Variants in CEP126 observed in about 807,000 individuals in gnomAD.
The protein encoded by CEP126 is centrosomal protein of 126 kDa.
CEP126 carries 74 observed loss-of-function variants against 107.8 expected under a neutral mutation model. The ratio of observed to expected loss-of-function variants is 0.69; its 90% CI spans 0.57 to 0.83. CEP126 has a LOEUF of 0.83. CEP126 is among the 40% of genes least tolerant of loss of function. The probability of loss-of-function intolerance (pLI) is 0.00; values close to 1 mark genes in which losing one functional copy is unlikely to be tolerated. For synonymous variants in CEP126, 449 were observed against 446.0 expected, an observed-to-expected ratio of 1.01 and a Z score of -0.08; for missense variants, 1,237 against 1,281.9, an observed-to-expected ratio of 0.96 and a Z score of 0.53.
Position 101,915,014 on chromosome 11 carries a change from C to G in CEP126, c.-271C>G. 2.5e-6 allele frequency: 1 copy of G among 400,960 alleles called. No homozygotes were observed. Among genetic ancestry groups the G allele is most frequent in the Non-Finnish European group, 4.5e-6 (1 of 224,116 alleles). The allele number at this position is 400,960 out of a possible 1,614,324, so 24.8% of individuals were successfully genotyped here. A position where few individuals can be genotyped will look rare whatever the true frequency, so the allele number is the denominator to read the frequency against. On this transcript the variant is annotated 5_prime_UTR_variant, in exon 1 of 11. Transcript: ENST00000263468. The stretch of plus-strand genomic sequence containing the variant: ...CAGGTTTCCGTTGTCAAGGACGCGC[C>G]GTCGGTTGTTGTCAAGATGGCGGCT...
intron 2 of CEP126, among the ~76,000 whole-genome samples, chr11:101,938,787 A>C (rs1227148851): frequency 6.6e-6 from 1 of 152,084 alleles, no homozygotes; most frequent in Non-Finnish European, 1.5e-5. Flanking sequence ...ATCATTCAAA[A>C]ATTTTTTTTA....
Position 101,958,269 on chromosome 11 carries a change from A to G in CEP126, c.608A>G (p.Asn203Ser). Reference sequence around the variant, plus strand: ...AATTGTGAGAAAGAAATGAATGAAAACATGAGGGCAACCTTGGCTACTAGC... The same window carrying G: ...AATTGTGAGAAAGAAATGAATGAAAGCATGAGGGCAACCTTGGCTACTAGC... ...KINCEKEMNENMRATLATSKN... is the reference protein window; with the variant it reads ...KINCEKEMNESMRATLATSKN... Residue 203 changes from asparagine (N) to serine (S), a missense_variant, in exon 5 of 11, where the codon AAC (asparagine) becomes AGC (serine). Around this residue, in one of 3 missense-constraint regions of CEP126, gnomAD observed 1,134 missense variants for 1,150.5 expected, o/e 0.99. Transcript: ENST00000263468. The G allele has an allele frequency of 1.9e-6, 3 of 1,614,058 alleles. No individual in the cohort carries two copies. The highest frequency in any genetic ancestry group is 2.5e-6 in the Non-Finnish European group (3 of 1,179,948).
chr11:101,987,111 A>T, intron 9 of CEP126, 70 bp downstream of exon 9: 3 of 1,120,684 alleles, frequency 2.7e-6, no homozygotes, highest in Non-Finnish European at 3.8e-6. Flanking sequence ...TTTAAACTTT[A>T]ATTTAAAAAT....
At chr11:101,993,068 C>T (rs535321540) in intron 10 of CEP126, among the ~76,000 whole-genome samples, 3 of 152,034 alleles carry the variant, frequency 2.0e-5, no homozygotes, top group East Asian at 1.9e-4. Context: ...GTTTTTTTAA[C>T]GTTTAGGTTC....
chr11:101,973,952 A>T (rs566886901), intron 6 of CEP126, among the ~76,000 whole-genome samples: 1 of 152,294 alleles, frequency 6.6e-6, no homozygotes, highest in South Asian at 2.1e-4. Context: ...CAGATCCAAT[A>T]TAGATTATAT....
At chr11:101,918,762 G>T (rs546822654) in intron 1 of CEP126, among the ~76,000 whole-genome samples, 1 of 152,298 alleles carries the variant, frequency 6.6e-6, no homozygotes, top group African/African-American at 2.4e-5. Context: ...GAGAGTTACA[G>T]AAATGTAGAG....
At chr11:101,990,018 A>AC (rs1465006594) in intron 9 of CEP126, among the ~76,000 whole-genome samples, 1 of 149,294 alleles carries the variant, frequency 6.7e-6, no homozygotes, top group Non-Finnish European at 1.5e-5. Flanking sequence ...ACACTTTCTC[A>AC]CCCATGGGAG....
intron 9 of CEP126, among the ~76,000 whole-genome samples, chr11:101,991,428 A>G (rs992057508): frequency 1.3e-5 from 2 of 152,226 alleles, no homozygotes; most frequent in Non-Finnish European, 1.5e-5. Context: ...GGACAAAGCA[A>G]TCAATGAATA....
intron 6 of CEP126, among the ~76,000 whole-genome samples, chr11:101,975,576 T>G (rs1941184082): frequency 6.6e-6 from 1 of 152,194 alleles, no homozygotes; most frequent in Non-Finnish European, 1.5e-5. Flanking sequence ...TTTTTTGTTG[T>G]TGTTTCTTTT....
chr11:101,993,971 T>C (rs1180269879), intron 10 of CEP126, among the ~76,000 whole-genome samples: 2 of 152,170 alleles, frequency 1.3e-5, no homozygotes, highest in Non-Finnish European at 2.9e-5. Flanking sequence ...TGGTGGCTCA[T>C]GCCTGTAATC....
At chr11:101,934,550 A>G (rs1341166233) in intron 2 of CEP126, among the ~76,000 whole-genome samples, 1 of 151,926 alleles carries the variant, frequency 6.6e-6, no homozygotes, top group East Asian at 1.9e-4. Context: ...CTTCTGTTCA[A>G]ACTGAGCTTC....
chr11:101,928,166 T>A (rs1221223490), intron 2 of CEP126, among the ~76,000 whole-genome samples: 1 of 152,236 alleles, frequency 6.6e-6, no homozygotes, highest in Non-Finnish European at 1.5e-5. Flanking sequence ...CTGTTCTCTT[T>A]TAGTGAAATT....
intron 2 of CEP126, among the ~76,000 whole-genome samples, chr11:101,934,357 T>A (rs2137087991): frequency 6.6e-6 from 1 of 152,142 alleles, no homozygotes; most frequent in East Asian, 1.9e-4. Context: ...CTCAACTATT[T>A]ACAGTTACTA....
At chr11:101,976,483 G>C (rs1941193079) in intron 6 of CEP126, among the ~76,000 whole-genome samples, 1 of 152,050 alleles carries the variant, frequency 6.6e-6, no homozygotes, top group East Asian at 1.9e-4. Context: ...TCAAATGTCA[G>C]GTATGCAGTT....
Position 101,997,682 on chromosome 11 carries a change from TC to T in CEP126, c.*42del. The T allele has an allele frequency of 6.2e-7, 1 of 1,613,422 alleles. No homozygotes were observed. The highest frequency in any genetic ancestry group is 8.5e-7 in the Non-Finnish European group (1 of 1,179,726). The stretch of plus-strand genomic sequence containing the variant: ...CGTCTAAGAAGACCTTTCATGTACT[TC>T]CCTAGGACTAGATGCATACCGTTTT... On this transcript the variant is annotated 3_prime_UTR_variant, in exon 11 of 11. Coordinates refer to ENST00000263468, the MANE Select transcript of CEP126 (RefSeq NM_020802.4).
intron 2 of CEP126, among the ~76,000 whole-genome samples, chr11:101,925,386 G>C (rs1385026400): frequency 6.6e-6 from 1 of 152,136 alleles, no homozygotes; most frequent in Non-Finnish European, 1.5e-5. Context: ...TCAACATGGA[G>C]AATTCAGTGA....
Position 101,998,821 on chromosome 11 carries a change from T to G in CEP126, c.*1178T>G, listed in dbSNP as rs919123062. The G allele has an allele frequency of 2.0e-5, 3 of 152,128 alleles. No individual in the cohort carries two copies. In the East Asian group the frequency reaches 5.8e-4, roughly 29 times the overall value. 9.4% of individuals were successfully genotyped at this position (152,128 alleles called of 1,614,324 possible). On this transcript the variant is annotated 3_prime_UTR_variant, in exon 11 of 11. Coordinates refer to ENST00000263468, the MANE Select transcript of CEP126 (RefSeq NM_020802.4). ...CCAGCCACCCAAACCATGGGTATTT[T>G]TGTCTCCACTTTAGAGATGAGAAAC... is the stretch of plus-strand genomic sequence containing the variant.
At position 101,984,426 on chromosome 11, in the gene CEP126, A is replaced by G. The variant is rs150941508; in HGVS notation, c.3035-2406A>G. ...GCAAAAAAATATACCTTCAGAGTCTATCAGTAAGCTGGAAGAAGTGGATAT... is the reference window on the plus strand; with the variant it reads ...GCAAAAAAATATACCTTCAGAGTCTGTCAGTAAGCTGGAAGAAGTGGATAT... On this transcript the variant is annotated intron_variant, in intron 8 of 10. Coordinates refer to ENST00000263468, the MANE Select transcript of CEP126 (RefSeq NM_020802.4). Among the ~76,000 whole-genome samples, 29 of 152,348 alleles carry G rather than the reference A, an allele frequency of 1.9e-4. No individual in the cohort carries two copies. In the East Asian group the frequency reaches 2.5e-3, roughly 13 times the overall value.
At chr11:101,979,724 C>T (rs1348279129) in intron 7 of CEP126, among the ~76,000 whole-genome samples, 1 of 152,078 alleles carries the variant, frequency 6.6e-6, no homozygotes, top group Admixed American at 6.6e-5. Flanking sequence ...GGTGACAGAG[C>T]AAGACCCTGT....
Sources: gnomAD v4.1 joint callset for allele counts (sites outside exome capture counted in the v4.1 genomes callset) on GRCh38, gnomAD v4.1.1 for gene constraint, gnomAD v4.1.1 regional missense constraint, MANE v1.5 for transcripts, NCBI Gene and HGNC (gene_info 2026-07-23, HGNC 2026-07-21) for gene names.